SDC2: variants seen among roughly 807,000 people sequenced by gnomAD.
SDC2 encodes syndecan-2.
SDC2 carries 13 observed loss-of-function variants against 22.2 expected under a neutral mutation model. That is an observed-to-expected ratio of 0.59 (90% CI 0.38 to 0.93). The LOEUF is 0.93. Ranked by LOEUF, SDC2 falls within the 40% of genes least tolerant of loss-of-function variation. The pLI is 0.00. For missense variants in SDC2, 235 were observed against 246.8 expected (o/e 0.95, Z 0.32); for synonymous variants, 94 against 92.8 (o/e 1.01, Z -0.07).
intron 1 of SDC2, among the ~76,000 whole-genome samples, chr8:96,577,414 A>G (rs373905283): frequency 2.0e-4 from 30 of 152,158 alleles, no homozygotes; most frequent in African/African-American, 6.5e-4. Flanking sequence ...TCATGAATAG[A>G]CTATTTTTTC....
chr8:96,533,901 C>T (rs997334737), intron 1 of SDC2, among the ~76,000 whole-genome samples: 79 of 152,280 alleles, frequency 5.2e-4, no homozygotes, highest in African/African-American at 1.6e-3. Context: ...CAGGGGGCGG[C>T]GCTCGTTGGG....
intron 1 of SDC2, among the ~76,000 whole-genome samples, chr8:96,559,899 A>G (rs1035387715): frequency 1.3e-5 from 2 of 152,198 alleles, no homozygotes; most frequent in Admixed American, 6.5e-5. Flanking sequence ...TTGAGTTTGT[A>G]TTCTTGATAA....
intron 1 of SDC2, among the ~76,000 whole-genome samples, chr8:96,571,716 C>T (rs1020170128): frequency 7.9e-5 from 12 of 152,098 alleles, no homozygotes; most frequent in African/African-American, 2.7e-4. Flanking sequence ...TGTGTTGAAA[C>T]GGAAGGAAAC....
intron 1 of SDC2, among the ~76,000 whole-genome samples, chr8:96,535,243 A>AGG (rs1813735852): frequency 6.6e-6 from 1 of 152,098 alleles, no homozygotes; most frequent in East Asian, 1.9e-4. Flanking sequence ...TTCTGACATC[A>AGG]TGATTCGCCC....
At chr8:96,600,693 G>A (rs567441486) in intron 2 of SDC2, among the ~76,000 whole-genome samples, 22 of 152,304 alleles carry the variant, frequency 1.4e-4, no homozygotes, top group African/African-American at 4.6e-4. Flanking sequence ...ACAAGGTAAG[G>A]AAGAGGAAGT....
intron 1 of SDC2, among the ~76,000 whole-genome samples, chr8:96,568,527 T>TAG (rs1481816494): frequency 6.6e-6 from 1 of 152,226 alleles, no homozygotes; most frequent in Non-Finnish European, 1.5e-5. Flanking sequence ...TCCAAAAACT[T>TAG]GCCTAAGTGA....
At chr8:96,539,328 C>T (rs998776559) in intron 1 of SDC2, among the ~76,000 whole-genome samples, 2 of 152,148 alleles carry the variant, frequency 1.3e-5, no homozygotes, top group African/African-American at 4.8e-5. Context: ...TTTCTTCAAA[C>T]ATTTTTGGGT....
chr8:96,597,856 A>G (rs1367236008), intron 2 of SDC2, among the ~76,000 whole-genome samples: 1 of 152,232 alleles, frequency 6.6e-6, no homozygotes, highest in Non-Finnish European at 1.5e-5. Flanking sequence ...AATAAAATCT[A>G]ACAATGTTTT....
intron 1 of SDC2, among the ~76,000 whole-genome samples, chr8:96,510,888 T>C (rs1813316895): frequency 6.6e-6 from 1 of 152,176 alleles, no homozygotes; most frequent in Admixed American, 6.5e-5. Context: ...AGTGTATGCC[T>C]GATAGATAAA....
chr8:96,549,390 C>T (rs150732647), intron 1 of SDC2, among the ~76,000 whole-genome samples: 34 of 152,132 alleles, frequency 2.2e-4, no homozygotes, highest in South Asian at 1.7e-3. Context: ...AGGTGGAGGG[C>T]GAATAACAAA....
intron 1 of SDC2, among the ~76,000 whole-genome samples, chr8:96,547,456 A>G: frequency 6.6e-6 from 1 of 152,208 alleles, no homozygotes; most frequent in East Asian, 1.9e-4. Context: ...TGGGCTATTT[A>G]TGGAAGAAGC....
At chr8:96,568,967 T>TA (rs1477519557) in intron 1 of SDC2, among the ~76,000 whole-genome samples, 1 of 152,066 alleles carries the variant, frequency 6.6e-6, no homozygotes, top group African/African-American at 2.4e-5. Context: ...ATAAGAATGG[T>TA]AGATAAGATA....
intron 1 of SDC2, among the ~76,000 whole-genome samples, chr8:96,548,164 C>T (rs1356745223): frequency 6.6e-6 from 1 of 152,182 alleles, no homozygotes; most frequent in Non-Finnish European, 1.5e-5. Context: ...GAAATATCTA[C>T]TATTTGCTAG....
At chr8:96,569,577 A>C (rs1814356941) in intron 1 of SDC2, among the ~76,000 whole-genome samples, 2 of 152,224 alleles carry the variant, frequency 1.3e-5, no homozygotes, top group African/African-American at 2.4e-5. Context: ...ACTAAAATGA[A>C]GCTGTAAAAG....
chr8:96,510,129 T>G (rs1813306134), intron 1 of SDC2, among the ~76,000 whole-genome samples: 3 of 152,226 alleles, frequency 2.0e-5, no homozygotes, highest in Admixed American at 2.0e-4. Flanking sequence ...TTTGGCCAGC[T>G]TATTAGATTT....
chr8:96,523,842 A>G lies in SDC2; in HGVS notation c.60+29511A>G, dbSNP rs557455132. On this transcript the variant is annotated intron_variant, in intron 1 of 4. Transcript: ENST00000302190. ...CTAATGATTTCTTTTCCCTTAAAATATCATACAGGGGAGTAGGATTTAGGT... is the reference window on the plus strand; with the variant it reads ...CTAATGATTTCTTTTCCCTTAAAATGTCATACAGGGGAGTAGGATTTAGGT... 3.9e-5 allele frequency among the ~76,000 whole-genome samples: 6 copies of G among 152,328 alleles called. No individual in the cohort carries two copies. In the South Asian group the frequency reaches 1.2e-3, roughly 32 times the overall value.
At chr8:96,560,337 A>G (rs1386108308) in intron 1 of SDC2, among the ~76,000 whole-genome samples, 1 of 152,234 alleles carries the variant, frequency 6.6e-6, no homozygotes, top group Non-Finnish European at 1.5e-5. Flanking sequence ...ATTTATCCCC[A>G]TATCTGTAGA....
chr8:96,535,062 G>T (rs1813731259), intron 1 of SDC2, among the ~76,000 whole-genome samples: 2 of 151,054 alleles, frequency 1.3e-5, no homozygotes, highest in South Asian at 2.1e-4. Context: ...GGAGTGCAAT[G>T]GTGCGATCTT....
At position 96,610,548 on chromosome 8, in the gene SDC2, T is replaced by C. The variant is rs1815158601; in HGVS notation, c.*1000T>C. On this transcript the variant is annotated 3_prime_UTR_variant, in exon 5 of 5. Coordinates refer to ENST00000302190, the MANE Select transcript of SDC2 (RefSeq NM_002998.4). ...GTTGGTATTTTATAAGCACAGACAA[T>C]TCTAATGGTAACTTTTGTAGTCTTA... The C allele has an allele frequency of 6.6e-6, 1 of 152,624 alleles. No individual in the cohort carries two copies. Among genetic ancestry groups the C allele is most frequent in the Non-Finnish European group, 1.5e-5 (1 of 68,044 alleles). 9.5% of individuals were successfully genotyped at this position (152,624 alleles called of 1,614,324 possible).
Sources: gnomAD v4.1 joint callset for allele counts (sites outside exome capture counted in the v4.1 genomes callset) on GRCh38, gnomAD v4.1.1 for gene constraint, MANE v1.5 for transcripts, NCBI Gene and HGNC (gene_info 2026-07-23, HGNC 2026-07-21) for gene names.